POU6F2: variants seen among roughly 807,000 people sequenced by gnomAD.
POU6F2 encodes POU domain, class 6, transcription factor 2.
POU6F2 carries 31 observed loss-of-function variants against 71.3 expected under a neutral mutation model. The ratio of observed to expected loss-of-function variants is 0.43; its 90% CI spans 0.33 to 0.59. The LOEUF is 0.59. Among genes scored for constraint, POU6F2 ranks in the 20% least tolerant of loss-of-function variants. The pLI is 0.04. For synonymous variants in POU6F2, 347 were observed against 355.7 expected (o/e 0.98, Z 0.27); for missense variants, 783 against 856.8 (o/e 0.91, Z 1.07).
intron 2 of POU6F2, among the ~76,000 whole-genome samples, chr7:39,104,192 G>A (rs1055397377): frequency 1.3e-5 from 2 of 152,382 alleles, no homozygotes; most frequent in African/African-American, 4.8e-5. Flanking sequence ...TAAAGTGCAG[G>A]TGCTCTAGTT....
At chr7:39,303,201 G>T (rs529795661) in intron 4 of POU6F2, among the ~76,000 whole-genome samples, 1 of 152,172 alleles carries the variant, frequency 6.6e-6, no homozygotes, top group Non-Finnish European at 1.5e-5. Flanking sequence ...CTGTCACCCA[G>T]GCTGGAGTGC....
At chr7:39,015,719 G>T (rs1420433261) in intron 1 of POU6F2, among the ~76,000 whole-genome samples, 2 of 9,496 alleles carry the variant, frequency 2.1e-4, no homozygotes, top group African/African-American at 4.0e-4. Flanking sequence ...ATGTTATATA[G>T]AGATATATAA....
chr7:39,290,702 C>T (rs1784738033), intron 4 of POU6F2, among the ~76,000 whole-genome samples: 1 of 152,144 alleles, frequency 6.6e-6, no homozygotes, highest in Non-Finnish European at 1.5e-5. Context: ...CCAGCTATGC[C>T]CTCTCTTTGC....
chr7:39,261,924 T>G (rs1295723672), intron 4 of POU6F2, among the ~76,000 whole-genome samples: 1 of 152,190 alleles, frequency 6.6e-6, no homozygotes, highest in Non-Finnish European at 1.5e-5. Flanking sequence ...TTCAGTGTTT[T>G]CTCTCATCGT....
chr7:39,460,765 T>G lies in POU6F2; in HGVS notation c.1658+50T>G. 1 of 1,483,688 alleles carries G rather than the reference T, an allele frequency of 6.7e-7. No homozygotes were observed. Among genetic ancestry groups the G allele is most frequent in the South Asian group, 1.4e-5 (1 of 70,362 alleles). 91.9% of individuals were successfully genotyped at this position (1,483,688 alleles called of 1,614,324 possible). The stretch of plus-strand genomic sequence containing the variant: ...CCTCTTCTAGCCGCCCTGGGCCTCA[T>G]TTGTCCTCGCGGTTCAGCTTTTCTT... On this transcript the variant is annotated intron_variant, in intron 9 of 9. Transcript: ENST00000518318. This position sits in a 1 kb window ranked among gnomAD's most constrained non-coding sequence, Gnocchi z 4.4.
Position 39,085,928 on chromosome 7 carries a change from G to T in POU6F2, c.174G>T (p.Leu58Phe). The change falls in exon 2 of 10, where the codon TTG (leucine) becomes TTT (phenylalanine). Residue 58 changes from leucine to phenylalanine, a missense_variant. Leu to Phe is a conservative substitution (Grantham distance 22, BLOSUM62 0). Around this residue, in one of 2 missense-constraint regions of POU6F2, gnomAD observed 572 missense variants for 572.9 expected, o/e 1.00. Coordinates refer to ENST00000518318, the MANE Select transcript of POU6F2 (RefSeq NM_001370959.1). ...TGCGGAGTGAAATGAATGCGGAGTT[G>T]AGAGGTGAGGACAAGGCTGCTACTT... is the stretch of plus-strand genomic sequence containing the variant. ...LSVRSEMNAE[L>F]RGEDKAATSD... 6.2e-7 allele frequency: 1 copy of T among 1,613,602 alleles called. No homozygotes were observed. Among genetic ancestry groups the T allele is most frequent in the Non-Finnish European group, 8.5e-7 (1 of 1,179,750 alleles).
intron 2 of POU6F2, among the ~76,000 whole-genome samples, chr7:39,202,393 A>G (rs1793922367): frequency 6.6e-6 from 1 of 152,224 alleles, no homozygotes; most frequent in Non-Finnish European, 1.5e-5. Context: ...GTGCATTGTA[A>G]AAACACTCTT....
intron 4 of POU6F2, among the ~76,000 whole-genome samples, chr7:39,273,041 T>C (rs1374298317): frequency 6.6e-6 from 1 of 152,122 alleles, no homozygotes; most frequent in Admixed American, 6.5e-5. Flanking sequence ...TTTTGCAGGA[T>C]ACTAGCCAAG....
intron 6 of POU6F2, among the ~76,000 whole-genome samples, chr7:39,413,047 G>A (rs1407602571): frequency 3.0e-4 from 45 of 150,676 alleles, no homozygotes; most frequent in Non-Finnish European, 3.7e-4. Context: ...CTCGTGATCC[G>A]CCTGCCTCGG....
At chr7:39,366,369 C>G (rs1037121558) in intron 5 of POU6F2, among the ~76,000 whole-genome samples, 1 of 152,178 alleles carries the variant, frequency 6.6e-6, no homozygotes, top group African/African-American at 2.4e-5. Context: ...CACACACACA[C>G]AGATGCACAC....
chr7:39,148,494 G>A (rs544423258), intron 2 of POU6F2, among the ~76,000 whole-genome samples: 35 of 151,754 alleles, frequency 2.3e-4, no homozygotes, highest in Admixed American at 3.9e-4. Context: ...CAGGAATAGA[G>A]GAATAGTGTT....
intron 4 of POU6F2, among the ~76,000 whole-genome samples, chr7:39,292,322 C>T (rs939070684): frequency 1.3e-4 from 20 of 152,192 alleles, no homozygotes; most frequent in Admixed American, 2.0e-4. Context: ...TCCCCGTCCA[C>T]GGGCTCTGAT....
intron 4 of POU6F2, among the ~76,000 whole-genome samples, chr7:39,229,456 T>A (rs1794532641): frequency 6.6e-6 from 1 of 152,184 alleles, no homozygotes; most frequent in Non-Finnish European, 1.5e-5. Flanking sequence ...AAAGTCCCAA[T>A]GCACTTGCTC....
intron 6 of POU6F2, among the ~76,000 whole-genome samples, chr7:39,416,656 G>A (rs961153017): frequency 6.6e-6 from 1 of 152,176 alleles, no homozygotes; most frequent in Non-Finnish European, 1.5e-5. Context: ...GATTGATAGA[G>A]CAAGAATTAC....
At chr7:39,349,647 T>C (rs186382574) in intron 5 of POU6F2, among the ~76,000 whole-genome samples, 4 of 152,356 alleles carry the variant, frequency 2.6e-5, no homozygotes, top group South Asian at 4.1e-4. Context: ...CTAAGTCGTC[T>C]AGAGCACCAA....
At chr7:39,436,159 G>A (rs1359308827) in intron 7 of POU6F2, among the ~76,000 whole-genome samples, 1 of 152,260 alleles carries the variant, frequency 6.6e-6, no homozygotes, top group Non-Finnish European at 1.5e-5. Flanking sequence ...ATTCTGTGAA[G>A]AATGTCAGTG....
At chr7:39,266,695 C>CTTTTTTTT (rs35508359) in intron 4 of POU6F2, among the ~76,000 whole-genome samples, 1 of 105,102 alleles carries the variant, frequency 9.5e-6, no homozygotes, top group Non-Finnish European at 1.8e-5. Context: ...CGCACCTGGC[C>CTTTTTTTT]TTTTTTTTTT....
At chr7:39,171,231 G>A (rs965764769) in intron 2 of POU6F2, among the ~76,000 whole-genome samples, 22 of 151,418 alleles carry the variant, frequency 1.5e-4, no homozygotes, top group Non-Finnish European at 2.7e-4. Flanking sequence ...TGATGTTCCC[G>A]TCCCTGTGTC....
chr7:39,435,898 G>C (rs1324342525), intron 7 of POU6F2, among the ~76,000 whole-genome samples: 1 of 152,046 alleles, frequency 6.6e-6, no homozygotes, highest in Non-Finnish European at 1.5e-5. Context: ...TTTCCCCTTT[G>C]TTTTTGTCAG....
Sources: allele counts gnomAD v4.1 joint callset (sites outside exome capture counted in the v4.1 genomes callset), GRCh38; gene constraint gnomAD v4.1.1; regional missense constraint gnomAD v4.1.1; non-coding constraint Gnocchi (gnomAD v3.1); transcripts MANE v1.5; gene names NCBI Gene and HGNC (gene_info 2026-07-23, HGNC 2026-07-21).